The following GAS7 variants were observed in gnomAD, a reference collection of about 807,000 sequenced individuals.
The protein encoded by GAS7 is growth arrest specific 7.
A neutral mutation model predicts 71.1 loss-of-function variants in GAS7; 28 were observed. That is an observed-to-expected ratio of 0.39 (90% CI 0.29 to 0.54). The LOEUF is 0.54. Among genes scored for constraint, GAS7 ranks in the 20% least tolerant of loss-of-function variants. The pLI is 0.62. For missense variants in GAS7, 436 were observed against 627.8 expected (o/e 0.69, Z 3.27); for synonymous variants, 258 against 245.8 (o/e 1.05, Z -0.46).
intron 11 of GAS7, among the ~76,000 whole-genome samples, chr17:9,920,182 A>AGCGTGTGTGT (rs112208548): frequency 0.01 from 1,421 of 141,150 alleles, 25 homozygotes; most frequent in African/African-American, 0.034. Context: ...AGATCATGTA[A>AGCGTGTGTGT]GTGTGTGTGT....
intron 1 of GAS7, among the ~76,000 whole-genome samples, chr17:10,157,572 C>T (rs754131404): frequency 4.6e-5 from 7 of 152,182 alleles, no homozygotes; most frequent in Non-Finnish European, 8.8e-5. Flanking sequence ...ACTGCTCTGC[C>T]CAATTTTGGG....
intron 1 of GAS7, among the ~76,000 whole-genome samples, chr17:10,167,261 T>A (rs1167746313): frequency 6.6e-6 from 1 of 151,586 alleles, no homozygotes; most frequent in East Asian, 1.9e-4. Context: ...TTCTCCATGT[T>A]GGTCAGGCTG....
Position 9,915,249 on chromosome 17 carries a change from T to C in GAS7, c.*1979A>G, listed in dbSNP as rs1016014843. On this transcript the variant is annotated 3_prime_UTR_variant, in exon 14 of 14. Coordinates refer to ENST00000432992, the MANE Select transcript of GAS7 (RefSeq NM_201433.2). Reference sequence around the variant, plus strand: ...ATGTAATGGAAAAGTCAATGAGCCATATTGTACTCAAAATATCTTGTTAAT... The same window carrying C: ...ATGTAATGGAAAAGTCAATGAGCCACATTGTACTCAAAATATCTTGTTAAT... 4 of 230,996 alleles carry C rather than the reference T, an allele frequency of 1.7e-5. No individual in the cohort carries two copies. In the Admixed American group the frequency reaches 2.3e-4, roughly 13 times the overall value. 14.3% of individuals were successfully genotyped at this position (230,996 alleles called of 1,614,324 possible).
intron 1 of GAS7, among the ~76,000 whole-genome samples, chr17:10,051,777 T>G (rs2073065718): frequency 6.6e-6 from 1 of 152,082 alleles, no homozygotes; most frequent in Non-Finnish European, 1.5e-5. Context: ...CCAAGAAAAT[T>G]TCGTACCCCA....
chr17:10,134,345 G>T (rs2074022443), intron 1 of GAS7, among the ~76,000 whole-genome samples: 1 of 152,124 alleles, frequency 6.6e-6, no homozygotes. Flanking sequence ...TCATTCATTG[G>T]TGGATTCCCT....
intron 1 of GAS7, among the ~76,000 whole-genome samples, chr17:10,141,703 G>C (rs952897231): frequency 1.7e-4 from 26 of 152,100 alleles, no homozygotes; most frequent in Non-Finnish European, 3.4e-4. Flanking sequence ...ATGGCCTTGG[G>C]CAAGTTCTGG....
At chr17:10,055,367 G>A (rs772884547) in intron 1 of GAS7, among the ~76,000 whole-genome samples, 39 of 152,188 alleles carry the variant, frequency 2.6e-4, no homozygotes, top group Non-Finnish European at 5.0e-4. Flanking sequence ...AAGAATGCAC[G>A]GTGATGTGGC....
intron 1 of GAS7, among the ~76,000 whole-genome samples, chr17:10,084,536 A>G (rs58838943): frequency 0.011 from 1,729 of 152,160 alleles, 17 homozygotes; most frequent in South Asian, 0.017. Context: ...GTGCAATCTC[A>G]GCTCACTGCA....
At chr17:10,007,234 G>C (rs1271956803) in intron 2 of GAS7, among the ~76,000 whole-genome samples, 1 of 152,096 alleles carries the variant, frequency 6.6e-6, no homozygotes, top group Non-Finnish European at 1.5e-5. Context: ...TCTGCGTATT[G>C]TTTTGTTTTT....
chr17:10,066,996 C>T lies in GAS7; in HGVS notation c.184-47099G>A, dbSNP rs1388723571. ...GATGATGTAAGTATTAATAATAATA[C>T]CTGTTACAAGGATCAAGTGAGTTAA... On this transcript the variant is annotated intron_variant, in intron 1 of 13. Coordinates refer to ENST00000432992, the MANE Select transcript of GAS7 (RefSeq NM_201433.2). Among the ~76,000 whole-genome samples the T allele has an allele frequency of 2.0e-5, 3 of 152,108 alleles. No individual in the cohort carries two copies. In the East Asian group the frequency reaches 5.8e-4, roughly 29 times the overall value.
chr17:10,167,627 C>A (rs2074305539), intron 1 of GAS7, among the ~76,000 whole-genome samples: 1 of 152,192 alleles, frequency 6.6e-6, no homozygotes. Flanking sequence ...TCATCGAACA[C>A]AGGCACTTGT....
In GAS7 at chr17:10,198,254, TC is replaced by T; in HGVS notation, c.136del (p.Asp46ThrfsTer84). 1.2e-6 allele frequency: 2 copies of T among 1,607,390 alleles called. No homozygotes were observed. Among genetic ancestry groups the T allele is most frequent in the Non-Finnish European group, 1.7e-6 (2 of 1,179,458 alleles). On this transcript the variant is annotated frameshift_variant, in exon 1 of 14. Coordinates refer to ENST00000432992, the MANE Select transcript of GAS7 (RefSeq NM_201433.2). LOFTEE classifies it high-confidence loss of function. Reference sequence around the variant, plus strand: ...CGCCGGGAACCAGCCACGGAGCCCGTCCTCCTTCTCGCCTTCCCACCAGCCG... The same window carrying T: ...CGCCGGGAACCAGCCACGGAGCCCGTCTCCTTCTCGCCTTCCCACCAGCCG... ...DGGWWEGEKE[D>X]GLRGWFPASY...
chr17:9,925,688 C>T, intron 10 of GAS7, 89 bp from the exon 11 acceptor site: 2 of 1,425,760 alleles, frequency 1.4e-6, no homozygotes, highest in South Asian at 1.2e-5. Context: ...CTTTGGAGTC[C>T]TTTCGCCCCT....
At chr17:10,137,102 A>C (rs2074044726) in intron 1 of GAS7, among the ~76,000 whole-genome samples, 1 of 144,292 alleles carries the variant, frequency 6.9e-6, no homozygotes, top group South Asian at 2.3e-4. Flanking sequence ...CAACCGAGCG[A>C]GACCCAGCTT....
chr17:10,017,763 T>C (rs1445571562), intron 2 of GAS7, among the ~76,000 whole-genome samples: 1 of 152,208 alleles, frequency 6.6e-6, no homozygotes, highest in Admixed American at 6.5e-5. Flanking sequence ...GCTGAAACAG[T>C]AAAGCTGAGT....
intron 1 of GAS7, among the ~76,000 whole-genome samples, chr17:10,070,552 C>G (rs1371735622): frequency 6.6e-6 from 1 of 151,502 alleles, no homozygotes; most frequent in Admixed American, 6.6e-5. Flanking sequence ...TTAGTAGAGA[C>G]GGGGTTTCAC....
At chr17:10,104,516 C>T (rs1165294917) in intron 1 of GAS7, among the ~76,000 whole-genome samples, 1 of 152,210 alleles carries the variant, frequency 6.6e-6, no homozygotes, top group Non-Finnish European at 1.5e-5. Flanking sequence ...CTAGCCCTGA[C>T]CTGTCCCAGC....
At chr17:10,011,492 T>C (rs1022199033) in intron 2 of GAS7, among the ~76,000 whole-genome samples, 3 of 152,076 alleles carry the variant, frequency 2.0e-5, no homozygotes, top group African/African-American at 4.8e-5. Flanking sequence ...AGTGAACATA[T>C]CCACTAAGTG....
At chr17:10,008,701 T>C (rs1181031133) in intron 2 of GAS7, among the ~76,000 whole-genome samples, 2 of 152,118 alleles carry the variant, frequency 1.3e-5, no homozygotes, top group African/African-American at 4.8e-5. Context: ...CTAACAGCCT[T>C]CCACTAAGAA....
Sources: gnomAD v4.1 joint callset for allele counts (sites outside exome capture counted in the v4.1 genomes callset) on GRCh38, gnomAD v4.1.1 for gene constraint, MANE v1.5 for transcripts, NCBI Gene and HGNC (gene_info 2026-07-23, HGNC 2026-07-21) for gene names.